The following RPH3A variants were observed in gnomAD, a reference collection of about 807,000 sequenced individuals.
RPH3A encodes the protein rabphilin-3A.
Under a neutral mutation model 102.2 loss-of-function variants are expected in RPH3A, and 48 were observed. The observed-to-expected ratio is 0.47, with a 90% CI of 0.37 to 0.60. RPH3A has a LOEUF of 0.60. Among genes scored for constraint, RPH3A ranks in the 20% least tolerant of loss-of-function variants. The pLI, the probability that RPH3A is intolerant of heterozygous loss-of-function variation, is 0.00. For missense variants in RPH3A, 781 were observed against 910.1 expected (o/e 0.86, Z 1.83); for synonymous variants, 310 against 324.3 (o/e 0.96, Z 0.47).
intron 5 of RPH3A, among the ~76,000 whole-genome samples, chr12:112,852,671 A>G (rs1398736629): frequency 2.0e-5 from 3 of 152,184 alleles, no homozygotes; most frequent in African/African-American, 4.8e-5. Flanking sequence ...GTGCCAGGCT[A>G]GACACACGTG....
intron 1 of RPH3A, among the ~76,000 whole-genome samples, chr12:112,731,680 A>G (rs1295515153): frequency 6.6e-6 from 1 of 152,122 alleles, no homozygotes; most frequent in Non-Finnish European, 1.5e-5. Context: ...CTAATTTAGC[A>G]GTTTCAGATA....
intron 5 of RPH3A, among the ~76,000 whole-genome samples, chr12:112,853,766 G>A (rs1658871912): frequency 1.3e-5 from 2 of 151,780 alleles, no homozygotes; most frequent in Non-Finnish European, 2.9e-5. Flanking sequence ...AAGCAGAGGT[G>A]ACAGTGAGCC....
At chr12:112,877,562 G>T (rs563325507) in intron 13 of RPH3A, among the ~76,000 whole-genome samples, 1 of 152,168 alleles carries the variant, frequency 6.6e-6, no homozygotes, top group Non-Finnish European at 1.5e-5. Context: ...GTGTTGGTGG[G>T]TGGGGACATT....
rs1442342388 is a variant in RPH3A, at chr12:112,847,605, T to C, written c.84-91T>C. Reference sequence around the variant, plus strand: ...GAAGCTCTGAGAGAGATGATCCTTTTGTCCACAGTTTCCCAGACAGTGAGT... The same window carrying C: ...GAAGCTCTGAGAGAGATGATCCTTTCGTCCACAGTTTCCCAGACAGTGAGT... On this transcript the variant is annotated intron_variant, in intron 4 of 21. Coordinates refer to ENST00000389385, the MANE Select transcript of RPH3A (RefSeq NM_001143854.2). 2.9e-6 allele frequency: 4 copies of C among 1,380,740 alleles called. No homozygotes were observed. The East Asian group carries it at 9.2e-5, about 32-fold the overall frequency. 85.5% of individuals were successfully genotyped at this position (1,380,740 alleles called of 1,614,324 possible). A position where few individuals can be genotyped will look rare whatever the true frequency, so the allele number is the denominator to read the frequency against.
intron 1 of RPH3A, among the ~76,000 whole-genome samples, chr12:112,578,384 T>G (rs1313122274): frequency 2.0e-5 from 3 of 152,130 alleles, no homozygotes; most frequent in Non-Finnish European, 4.4e-5. Flanking sequence ...GGGGCAAAAC[T>G]ATAATTCCAG....
At chr12:112,850,736 G>A (rs1218475691) in intron 5 of RPH3A, 1 of 152,226 alleles carries the variant, frequency 6.6e-6, no homozygotes, top group African/African-American at 2.4e-5. Flanking sequence ...TGAAAGCCAA[G>A]TGAAACATCA....
chr12:112,699,885 T>C (rs1417277023), intron 1 of RPH3A, among the ~76,000 whole-genome samples: 2 of 152,226 alleles, frequency 1.3e-5, no homozygotes, highest in Non-Finnish European at 2.9e-5. Context: ...CAGAAATTAA[T>C]TTAACAATTA....
At chr12:112,709,225 T>C (rs2040444169) in intron 1 of RPH3A, among the ~76,000 whole-genome samples, 1 of 152,206 alleles carries the variant, frequency 6.6e-6, no homozygotes, top group African/African-American at 2.4e-5. Context: ...TTCCAGTAAA[T>C]ACTTTTAATA....
intron 5 of RPH3A, among the ~76,000 whole-genome samples, chr12:112,858,996 C>A (rs756241227): frequency 4.6e-5 from 7 of 152,186 alleles, no homozygotes; most frequent in Non-Finnish European, 1.0e-4. Context: ...GTTAATCAGG[C>A]ATGTAAAGAC....
intron 2 of RPH3A, among the ~76,000 whole-genome samples, chr12:112,799,995 T>A (rs1016378139): frequency 6.6e-6 from 1 of 152,130 alleles, no homozygotes; most frequent in African/African-American, 2.4e-5. Context: ...CAGACAAGTC[T>A]TGTACACTGT....
intron 2 of RPH3A, among the ~76,000 whole-genome samples, chr12:112,824,360 T>A (rs540295608): frequency 6.6e-6 from 1 of 152,258 alleles, no homozygotes; most frequent in Admixed American, 6.5e-5. Context: ...CTCTGGAAAA[T>A]GGTGCTGCTA....
At chr12:112,620,722 C>G (rs564638477) in intron 1 of RPH3A, among the ~76,000 whole-genome samples, 1 of 152,086 alleles carries the variant, frequency 6.6e-6, no homozygotes, top group South Asian at 2.1e-4. Context: ...CGACACAGAC[C>G]CTGCTCCTTC....
At chr12:112,697,758 G>A (rs779952663) in intron 1 of RPH3A, among the ~76,000 whole-genome samples, 4 of 152,078 alleles carry the variant, frequency 2.6e-5, no homozygotes, top group East Asian at 3.9e-4. Flanking sequence ...CTGGCTACTC[G>A]GGAGGCTGAG....
chr12:112,878,397 A>ACT (rs2042845349), intron 13 of RPH3A, among the ~76,000 whole-genome samples: 6 of 151,820 alleles, frequency 4.0e-5, no homozygotes, highest in Admixed American at 2.0e-4. Flanking sequence ...CTCTTCACAC[A>ACT]CTCACTCATC....
intron 3 of RPH3A, among the ~76,000 whole-genome samples, chr12:112,835,420 C>T (rs114632740): frequency 0.021 from 3,211 of 152,208 alleles, 78 homozygotes; most frequent in East Asian, 0.068. Context: ...TTACTTTAGT[C>T]GATATGAAGC....
intron 2 of RPH3A, among the ~76,000 whole-genome samples, chr12:112,799,113 T>C (rs2041291539): frequency 6.6e-6 from 1 of 151,494 alleles, no homozygotes; most frequent in Non-Finnish European, 1.5e-5. Flanking sequence ...AGACCAGGGA[T>C]GATGGCTCGC....
chr12:112,643,613 G>C (rs1430398078), intron 1 of RPH3A, among the ~76,000 whole-genome samples: 1 of 152,238 alleles, frequency 6.6e-6, no homozygotes, highest in African/African-American at 2.4e-5. Context: ...ATTCTAGGCT[G>C]TTTGCCTTCA....
chr12:112,576,909 C>CTTTTTTTTTTTT (rs3036138), intron 1 of RPH3A, among the ~76,000 whole-genome samples: 6 of 114,602 alleles, frequency 5.2e-5, no homozygotes, highest in East Asian at 2.8e-4. Context: ...TCTTTTCTTC[C>CTTTTTTTTTTTT]TTTTTTTTTT....
intron 2 of RPH3A, chr12:112,813,431 G>C (rs1033911637): frequency 4.6e-5 from 7 of 152,210 alleles, no homozygotes; most frequent in African/African-American, 1.4e-4. Flanking sequence ...TGGAAAGGAG[G>C]GGGGAATAGA....
Sources: allele counts gnomAD v4.1 joint callset (sites outside exome capture counted in the v4.1 genomes callset), GRCh38; gene constraint gnomAD v4.1.1; transcripts MANE v1.5; gene names NCBI Gene and HGNC (gene_info 2026-07-23, HGNC 2026-07-21).